SLC39A11: variants seen among roughly 807,000 people sequenced by gnomAD.
SLC39A11 encodes solute carrier family 39 member 11.
A neutral mutation model predicts 36.1 loss-of-function variants in SLC39A11; 33 were observed. The ratio of observed to expected loss-of-function variants is 0.91; its 90% CI spans 0.69 to 1.22. The LOEUF (loss-of-function observed/expected upper bound fraction) is 1.22, where lower values mean the gene tolerates loss of function less well. Among genes scored for constraint, SLC39A11 ranks in the 50% most tolerant of loss-of-function variants. The probability of loss-of-function intolerance (pLI) is 0.00; values close to 1 mark genes in which losing one functional copy is unlikely to be tolerated. For synonymous variants in SLC39A11, 166 were observed against 170.3 expected (o/e 0.97, Z 0.20); for missense variants, 432 against 430.3 (o/e 1.00, Z -0.03).
At chr17:72,960,793 T>C (rs551811264) in intron 4 of SLC39A11, among the ~76,000 whole-genome samples, 4 of 151,448 alleles carry the variant, frequency 2.6e-5, no homozygotes, top group Admixed American at 6.6e-5. Context: ...CCAAGCAACA[T>C]AGTGAGACCT....
chr17:73,049,019 C>A (rs1280502576), intron 3 of SLC39A11, among the ~76,000 whole-genome samples: 2 of 152,144 alleles, frequency 1.3e-5, no homozygotes, highest in Admixed American at 1.3e-4. Flanking sequence ...CCCAGGGGTC[C>A]CTCGGCGATG....
intron 4 of SLC39A11, among the ~76,000 whole-genome samples, chr17:72,965,367 C>T (rs757248592): frequency 1.3e-5 from 2 of 152,066 alleles, no homozygotes; most frequent in East Asian, 1.9e-4. Context: ...TGGTTTCTGG[C>T]GTTTCAAGCT....
intron 4 of SLC39A11, among the ~76,000 whole-genome samples, chr17:72,952,068 C>T (rs999305288): frequency 3.9e-5 from 6 of 152,090 alleles, no homozygotes; most frequent in African/African-American, 1.2e-4. Context: ...CCCGCCTGTA[C>T]CCCCCGCTTC....
Position 72,949,950 on chromosome 17 carries a change from GACACACACACACACACACACAC to G in SLC39A11, c.307-2097_307-2076del, listed in dbSNP as rs67207508. Among the ~76,000 whole-genome samples, 986 of 146,252 alleles carry G rather than the reference GACACACACACACACACACACAC, an allele frequency of 6.7e-3. 45 individuals carry two copies. Among genetic ancestry groups the G allele is most frequent in the Admixed American group, 0.058 (850 of 14,674 alleles). ...CACAAAAGGGATACCAGGCTGCTGT[GACACACACACACACACACACAC>G]ACACACACACACACACACACACACC... is the stretch of plus-strand genomic sequence containing the variant. On this transcript the variant is annotated intron_variant, in intron 4 of 9. Transcript: ENST00000255559.
chr17:72,676,320 T>A (rs2071259699), intron 7 of SLC39A11, among the ~76,000 whole-genome samples: 1 of 152,010 alleles, frequency 6.6e-6, no homozygotes, highest in East Asian at 1.9e-4. Flanking sequence ...GAAGTAAAAA[T>A]CCCAGAAGGG....
chr17:72,661,442 A>G (rs2070414478), intron 7 of SLC39A11, among the ~76,000 whole-genome samples: 1 of 152,172 alleles, frequency 6.6e-6, no homozygotes, highest in Non-Finnish European at 1.5e-5. Context: ...TTGATTATGA[A>G]AGGAGAATGG....
chr17:73,029,041 C>A (rs2058655336), intron 4 of SLC39A11, among the ~76,000 whole-genome samples: 1 of 151,772 alleles, frequency 6.6e-6, no homozygotes, highest in South Asian at 2.1e-4. Flanking sequence ...TCACTTGAAC[C>A]CAGGAGGTGG....
chr17:72,885,428 C>T (rs996796725), intron 5 of SLC39A11, among the ~76,000 whole-genome samples: 1 of 152,146 alleles, frequency 6.6e-6, no homozygotes, highest in Non-Finnish European at 1.5e-5. Flanking sequence ...CTAGTTCCCA[C>T]CTAGACCCAT....
chr17:72,814,947 T>C (rs954380246), intron 6 of SLC39A11, among the ~76,000 whole-genome samples: 4 of 152,118 alleles, frequency 2.6e-5, no homozygotes, highest in African/African-American at 4.8e-5. Context: ...CCAAACACAA[T>C]CCTTCACTTC....
chr17:73,062,475 A>AAAAAAAAAAAAAAACAAAAC lies in SLC39A11; in HGVS notation c.147+22332_147+22333insGTTTTGTTTTTTTTTTTTTT, dbSNP rs56021607. ...AGAGCTTGTCTCAAAAAAAAAAAAA[A>AAAAAAAAAAAAAAACAAAAC]AAACTTTAGGTGATACACTTCTGCT... On this transcript the variant is annotated intron_variant, in intron 3 of 9. Coordinates refer to ENST00000255559, the MANE Select transcript of SLC39A11 (RefSeq NM_139177.4). Among the ~76,000 whole-genome samples the AAAAAAAAAAAAAAACAAAAC allele has an allele frequency of 2.7e-3, 236 of 87,014 alleles. 6 individuals carry two copies. Among genetic ancestry groups the AAAAAAAAAAAAAAACAAAAC allele is most frequent in the African/African-American group, 0.011 (231 of 21,894 alleles). The allele number at this position is 87,014 out of a possible 152,430, so 57.1% of individuals were successfully genotyped here.
intron 6 of SLC39A11, among the ~76,000 whole-genome samples, chr17:72,812,945 C>G (rs1027304326): frequency 9.2e-5 from 14 of 152,192 alleles, no homozygotes; most frequent in African/African-American, 2.9e-4. Context: ...AGCTCCTCCC[C>G]GCCCCTTAGT....
At chr17:73,056,539 G>A (rs2059676123) in intron 3 of SLC39A11, among the ~76,000 whole-genome samples, 1 of 152,100 alleles carries the variant, frequency 6.6e-6, no homozygotes, top group Non-Finnish European at 1.5e-5. Context: ...GATTGTGCTG[G>A]ATGAGAGCAC....
At chr17:72,717,440 T>C (rs1323333280) in intron 7 of SLC39A11, among the ~76,000 whole-genome samples, 1 of 152,144 alleles carries the variant, frequency 6.6e-6, no homozygotes, top group Non-Finnish European at 1.5e-5. Flanking sequence ...GGGAGGATCC[T>C]CCCTCGGCTC....
intron 2 of SLC39A11, 117 bp from the exon 3 acceptor site, chr17:73,084,963 G>C (rs1371690167): frequency 5.1e-6 from 5 of 986,212 alleles, no homozygotes; most frequent in Non-Finnish European, 7.9e-6. Flanking sequence ...GCCGACTCCT[G>C]AGCTCGTGAG....
At chr17:72,717,355 T>C (rs2073451534) in intron 7 of SLC39A11, among the ~76,000 whole-genome samples, 1 of 152,076 alleles carries the variant, frequency 6.6e-6, no homozygotes, top group Non-Finnish European at 1.5e-5. Flanking sequence ...CACAGGGATT[T>C]GTTCTCACAG....
intron 6 of SLC39A11, among the ~76,000 whole-genome samples, chr17:72,793,006 T>C (rs1299427411): frequency 6.6e-6 from 1 of 151,996 alleles, no homozygotes; most frequent in Non-Finnish European, 1.5e-5. Context: ...GGGACAAAAA[T>C]ACAAACAGAG....
At chr17:72,806,394 G>A (rs1251809994) in intron 6 of SLC39A11, among the ~76,000 whole-genome samples, 3 of 152,096 alleles carry the variant, frequency 2.0e-5, no homozygotes, top group South Asian at 4.2e-4. Flanking sequence ...GTTTATTGCT[G>A]GGGAGACCTT....
chr17:72,940,860 AGTCCTAAC>A (rs1251073402), intron 5 of SLC39A11, among the ~76,000 whole-genome samples: 6 of 152,240 alleles, frequency 3.9e-5, no homozygotes, highest in African/African-American at 1.4e-4. Context: ...TCTATGTTGA[AGTCCTAAC>A]GCCCAGTACC....
intron 1 of SLC39A11, among the ~76,000 whole-genome samples, chr17:73,090,985 G>A (rs1012229650): frequency 3.3e-5 from 5 of 152,192 alleles, no homozygotes; most frequent in African/African-American, 7.2e-5. Context: ...GGTGGTCAGA[G>A]AACCAGCAGC....
Sources: gnomAD v4.1 joint callset for allele counts (sites outside exome capture counted in the v4.1 genomes callset) on GRCh38, gnomAD v4.1.1 for gene constraint, MANE v1.5 for transcripts, NCBI Gene and HGNC (gene_info 2026-07-23, HGNC 2026-07-21) for gene names.